ABCC4: variants seen among roughly 807,000 people sequenced by gnomAD.
ABCC4 encodes the protein ATP-binding cassette sub-family C member 4.
ABCC4 carries 102 observed loss-of-function variants against 168.5 expected under a neutral mutation model. That is an observed-to-expected ratio of 0.61 (90% CI 0.52 to 0.71). ABCC4 has a LOEUF of 0.71. Ranked by LOEUF, ABCC4 falls within the 30% of genes least tolerant of loss-of-function variation. The pLI is 0.00. For missense variants in ABCC4, 1,402 were observed against 1,605.8 expected (o/e 0.87, Z 2.17); for synonymous variants, 617 against 590.7 (o/e 1.04, Z -0.65).
intron 19 of ABCC4, among the ~76,000 whole-genome samples, chr13:95,147,399 A>G (rs2036535387): frequency 1.3e-5 from 2 of 152,200 alleles, no homozygotes; most frequent in South Asian, 4.1e-4. Flanking sequence ...TTTTCTTCCC[A>G]GGTTGCTTTA....
chr13:95,179,561 A>G (rs2037822214), intron 11 of ABCC4, among the ~76,000 whole-genome samples: 1 of 152,262 alleles, frequency 6.6e-6, no homozygotes, highest in Non-Finnish European at 1.5e-5. Flanking sequence ...CCTGAAAATA[A>G]CAGGATAATG....
chr13:95,269,756 A>G (rs1360859855), intron 1 of ABCC4, among the ~76,000 whole-genome samples: 1 of 152,218 alleles, frequency 6.6e-6, no homozygotes, highest in Non-Finnish European at 1.5e-5. Context: ...AACAGTGTAT[A>G]TATAATCGTA....
At chr13:95,290,149 T>TGATA (rs1555342161) in intron 1 of ABCC4, among the ~76,000 whole-genome samples, 6 of 115,476 alleles carry the variant, frequency 5.2e-5, no homozygotes, top group Admixed American at 1.8e-4. Flanking sequence ...GATAGATAGA[T>TGATA]GATAGATAGA....
chr13:95,075,515 A>C lies in ABCC4; in HGVS notation c.2723T>G (p.Leu908Arg), dbSNP rs199652249. Residue 908 changes from leucine (L) to arginine (R), a missense_variant, in exon 22 of 31, where the codon CTC (leucine) becomes CGC (arginine). This residue lies in a region of ABCC4 where 1,007 missense variants were observed against 1,127.3 expected (regional missense o/e 0.89). Coordinates refer to ENST00000645237, the MANE Select transcript of ABCC4 (RefSeq NM_005845.5). ...SPVFSHLSSS[L>R]QGLWTIRAYK... is the part of the protein sequence containing the mutation. Reference sequence around the variant, plus strand: ...TGCCCGGATGGTCCAGAGCCCCTGGAGAGAAGATGATAAGTGGGAAAACAC... The same window carrying C: ...TGCCCGGATGGTCCAGAGCCCCTGGCGAGAAGATGATAAGTGGGAAAACAC... 1.2e-6 allele frequency: 2 copies of C among 1,614,094 alleles called. No individual in the cohort carries two copies. The highest frequency in any genetic ancestry group is 8.5e-7 in the Non-Finnish European group (1 of 1,179,986).
chr13:95,252,065 T>C (rs546656200), intron 1 of ABCC4, among the ~76,000 whole-genome samples: 2 of 152,242 alleles, frequency 1.3e-5, no homozygotes, highest in African/African-American at 4.8e-5. Context: ...TCTATTGTCA[T>C]GGCATCACAA....
intron 11 of ABCC4, among the ~76,000 whole-genome samples, chr13:95,178,312 G>C (rs2037777393): frequency 6.6e-6 from 1 of 152,224 alleles, no homozygotes; most frequent in Non-Finnish European, 1.5e-5. Flanking sequence ...TAATGCTGTA[G>C]CTTTTCATAG....
At chr13:95,064,486 TACAC>T (rs1221472607) in intron 25 of ABCC4, among the ~76,000 whole-genome samples, 3 of 129,816 alleles carry the variant, frequency 2.3e-5, no homozygotes, top group Non-Finnish European at 3.3e-5. Flanking sequence ...CTCACACACA[TACAC>T]ACACACACAC....
chr13:95,232,165 T>G (rs984970980), intron 4 of ABCC4, among the ~76,000 whole-genome samples: 1 of 151,746 alleles, frequency 6.6e-6, no homozygotes, highest in African/African-American at 2.4e-5. Context: ...GTGATGATGA[T>G]GAAGACCCCT....
intron 19 of ABCC4, among the ~76,000 whole-genome samples, chr13:95,156,229 T>C (rs1272234196): frequency 6.6e-6 from 1 of 152,194 alleles, no homozygotes; most frequent in Non-Finnish European, 1.5e-5. Context: ...ACTTTCATGT[T>C]TCAAACATAA....
chr13:95,175,348 C>T (rs760641553), intron 13 of ABCC4, among the ~76,000 whole-genome samples: 5 of 152,126 alleles, frequency 3.3e-5, no homozygotes, highest in Admixed American at 6.6e-5. Context: ...GAATCTCACT[C>T]GTCATCCAGG....
chr13:95,044,191 C>T (rs2032479516), intron 28 of ABCC4, 75 bp downstream of exon 28: 2 of 1,353,328 alleles, frequency 1.5e-6, no homozygotes, highest in Non-Finnish European at 9.9e-7. Flanking sequence ...AGAAATATTT[C>T]TCAGAATCAT....
intron 20 of ABCC4, among the ~76,000 whole-genome samples, chr13:95,087,213 AAACAAACAAAC>A (rs1484947418): frequency 6.6e-5 from 10 of 152,272 alleles, no homozygotes; most frequent in African/African-American, 2.2e-4. Context: ...CTAAAACAAA[AAACAAACAAAC>A]AACAAACAAA....
chr13:95,240,115 A>C (rs1020334721), intron 3 of ABCC4, among the ~76,000 whole-genome samples: 2 of 152,236 alleles, frequency 1.3e-5, no homozygotes, highest in African/African-American at 4.8e-5. Flanking sequence ...AACTTCTGGT[A>C]CCAGATGGAC....
At chr13:95,079,487 C>T (rs957752820) in intron 21 of ABCC4, among the ~76,000 whole-genome samples, 3 of 152,202 alleles carry the variant, frequency 2.0e-5, no homozygotes, top group Non-Finnish European at 4.4e-5. Context: ...TCTCAGGCAA[C>T]CCTCATAAGT....
intron 11 of ABCC4, among the ~76,000 whole-genome samples, chr13:95,183,344 G>A (rs2037959098): frequency 6.6e-6 from 1 of 152,052 alleles, no homozygotes; most frequent in Non-Finnish European, 1.5e-5. Flanking sequence ...GATTACACAT[G>A]CAATCTCTGT....
intron 1 of ABCC4, among the ~76,000 whole-genome samples, chr13:95,258,409 T>C (rs1165646646): frequency 6.6e-6 from 1 of 152,178 alleles, no homozygotes; most frequent in Non-Finnish European, 1.5e-5. Flanking sequence ...TCTTCTCCCA[T>C]GATTAGATCT....
At chr13:95,110,406 C>T (rs1240428718) in intron 20 of ABCC4, among the ~76,000 whole-genome samples, 1 of 151,564 alleles carries the variant, frequency 6.6e-6, no homozygotes, top group Non-Finnish European at 1.5e-5. Flanking sequence ...TTGGGAGAAA[C>T]TTTGAGATAT....
chr13:95,235,996 G>A (rs1281082821), intron 3 of ABCC4, among the ~76,000 whole-genome samples: 1 of 152,160 alleles, frequency 6.6e-6, no homozygotes, highest in Non-Finnish European at 1.5e-5. Context: ...GAGCTGGGAA[G>A]CATGCGGGCT....
In ABCC4 at chr13:95,071,947, T is replaced by C. The variant is rs185408719; in HGVS notation, c.3019-94A>G. On this transcript the variant is annotated intron_variant, in intron 24 of 30. Transcript: ENST00000645237. Reference sequence around the variant, plus strand: ...CAATGAAATGTTCTTCTTTCATACATAGTTGGTTAAGGAGAGAAGCAGGAG... The same window carrying C: ...CAATGAAATGTTCTTCTTTCATACACAGTTGGTTAAGGAGAGAAGCAGGAG... The C allele has an allele frequency of 1.9e-5, 20 of 1,045,868 alleles. No homozygotes were observed. In the Admixed American group the frequency reaches 2.4e-4, roughly 13 times the overall value. 64.8% of individuals were successfully genotyped at this position (1,045,868 alleles called of 1,614,324 possible). A position where few individuals can be genotyped will look rare whatever the true frequency, so the allele number is the denominator to read the frequency against.
Sources: gnomAD v4.1 joint callset for allele counts (sites outside exome capture counted in the v4.1 genomes callset) on GRCh38, gnomAD v4.1.1 for gene constraint, gnomAD v4.1.1 regional missense constraint, MANE v1.5 for transcripts, NCBI Gene and HGNC (gene_info 2026-07-23, HGNC 2026-07-21) for gene names.